The following DIP2C variants were observed in gnomAD, a reference collection of about 807,000 sequenced individuals.
DIP2C encodes DIP2 acetate--CoA ligase C (putative).
A neutral mutation model predicts 192.4 loss-of-function variants in DIP2C; 33 were observed. The ratio of observed to expected loss-of-function variants is 0.17; its 90% CI spans 0.13 to 0.23. DIP2C has a LOEUF of 0.23. DIP2C is among the 10% of genes least tolerant of loss of function. The probability of loss-of-function intolerance (pLI) is 1.00; values close to 1 mark genes in which losing one functional copy is unlikely to be tolerated. For missense variants in DIP2C, 1,537 were observed against 2,110.1 expected (o/e 0.73, Z 5.32); for synonymous variants, 979 against 864.1 (o/e 1.13, Z -2.33).
chr10:601,479 C>G (rs1222115331), intron 1 of DIP2C, among the ~76,000 whole-genome samples: 1 of 152,182 alleles, frequency 6.6e-6, no homozygotes, highest in African/African-American at 2.4e-5. Context: ...GGTGGGTTGG[C>G]TCACTCAATT....
At chr10:513,980 T>C (rs952200554) in intron 1 of DIP2C, among the ~76,000 whole-genome samples, 11 of 152,216 alleles carry the variant, frequency 7.2e-5, no homozygotes, top group Non-Finnish European at 1.6e-4. Flanking sequence ...GTGTACAGTC[T>C]TGGCAATGTA....
intron 2 of DIP2C, among the ~76,000 whole-genome samples, chr10:480,023 G>T (rs1843477065): frequency 6.7e-6 from 1 of 148,548 alleles, no homozygotes; most frequent in South Asian, 2.2e-4. Context: ...CACTGGATGA[G>T]GGTTCTCATC....
At chr10:387,511 TG>T (rs1276192305) in intron 14 of DIP2C, among the ~76,000 whole-genome samples, 3 of 114,400 alleles carry the variant, frequency 2.6e-5, no homozygotes, top group African/African-American at 1.0e-4. Flanking sequence ...GGGCGACTCC[TG>T]TGTGGACAGA....
intron 32 of DIP2C, among the ~76,000 whole-genome samples, chr10:293,479 A>T (rs533022711): frequency 3.3e-5 from 5 of 152,344 alleles, no homozygotes; most frequent in African/African-American, 1.2e-4. Flanking sequence ...GAAGCATTTA[A>T]AATACCCAAT....
intron 13 of DIP2C, among the ~76,000 whole-genome samples, chr10:388,646 C>G (rs150012633): frequency 1.3e-5 from 2 of 152,222 alleles, no homozygotes; most frequent in Non-Finnish European, 2.9e-5. Context: ...AGTGCGTCCC[C>G]AGGTGTGAAA....
At chr10:460,956 TG>T (rs1468320863) in intron 3 of DIP2C, among the ~76,000 whole-genome samples, 1 of 152,160 alleles carries the variant, frequency 6.6e-6, no homozygotes, top group East Asian at 1.9e-4. Flanking sequence ...AACTAAGCTT[TG>T]TAAGTGAAGG....
In DIP2C at chr10:363,435, G is replaced by T; in HGVS notation, c.2478-124C>A. ...CAGCTCCAACTACGACTTCAAAACGGCCGCTGTACTTCCGAATTTCCCCAC... is the reference window on the plus strand; with the variant it reads ...CAGCTCCAACTACGACTTCAAAACGTCCGCTGTACTTCCGAATTTCCCCAC... On this transcript the variant is annotated intron_variant, in intron 20 of 36. Coordinates refer to ENST00000280886, the MANE Select transcript of DIP2C (RefSeq NM_014974.3). This position sits in a 1 kb window ranked among gnomAD's most constrained non-coding sequence, Gnocchi z 5.4. 6.5e-6 allele frequency: 5 copies of T among 773,162 alleles called. No homozygotes were observed. The highest frequency in any genetic ancestry group is 1.1e-5 in the Non-Finnish European group (5 of 474,708). The allele number at this position is 773,162 out of a possible 1,614,324, so 47.9% of individuals were successfully genotyped here.
chr10:308,609 C>A (rs1956432965), intron 32 of DIP2C, among the ~76,000 whole-genome samples: 1 of 152,236 alleles, frequency 6.6e-6, no homozygotes, highest in Non-Finnish European at 1.5e-5. Context: ...TAATCTAAAA[C>A]TACATTTCTG....
At chr10:662,917 A>T (rs1247019792) in intron 1 of DIP2C, 2 of 717,360 alleles carry the variant, frequency 2.8e-6, no homozygotes, top group Non-Finnish European at 5.2e-6. Flanking sequence ...CTCTCGGGAG[A>T]GGTGGATGTA....
intron 3 of DIP2C, among the ~76,000 whole-genome samples, chr10:464,822 C>T (rs1970079034): frequency 6.6e-6 from 1 of 151,994 alleles, no homozygotes; most frequent in Admixed American, 6.6e-5. Context: ...ATACTCTCTC[C>T]CAAGACTAAA....
chr10:503,423 G>GA (rs1845388759), intron 1 of DIP2C, among the ~76,000 whole-genome samples: 1 of 152,196 alleles, frequency 6.6e-6, no homozygotes, highest in Non-Finnish European at 1.5e-5. Flanking sequence ...GACCACAAAA[G>GA]AGAGTGGCAG....
chr10:342,462 G>A (rs1589542607), intron 28 of DIP2C, among the ~76,000 whole-genome samples: 1 of 152,210 alleles, frequency 6.6e-6, no homozygotes, highest in Non-Finnish European at 1.5e-5. Context: ...CTGGCCTCGT[G>A]TGACCCTCTC....
At chr10:589,160 C>T (rs1021727229) in intron 1 of DIP2C, among the ~76,000 whole-genome samples, 2 of 152,196 alleles carry the variant, frequency 1.3e-5, no homozygotes, top group African/African-American at 4.8e-5. Flanking sequence ...CAGGTCTCTG[C>T]CCGCTTTTAA....
At position 406,297 on chromosome 10, in the gene DIP2C, A is replaced by G. The variant is rs117719161; in HGVS notation, c.1149+2629T>C. The stretch of plus-strand genomic sequence containing the variant: ...GTAGAATTCAGTAGCATGAAGCACA[A>G]TCACAAGGTTATACAACTGCCACCA... On this transcript the variant is annotated intron_variant, in intron 9 of 36. Coordinates refer to ENST00000280886, the MANE Select transcript of DIP2C (RefSeq NM_014974.3). Among the ~76,000 whole-genome samples, 12 of 152,366 alleles carry G rather than the reference A, an allele frequency of 7.9e-5. No homozygotes were observed. The East Asian group carries it at 1.9e-3, about 24-fold the overall frequency.
rs570092830 is a variant in DIP2C at position 527,302 on chromosome 10, G to GCTT, written c.86-40775_86-40773dup. 4.1e-4 allele frequency among the ~76,000 whole-genome samples: 63 copies of GCTT among 152,266 alleles called. No homozygotes were observed. The South Asian group carries it at 8.9e-3, about 22-fold the overall frequency. ...GCCTCCCGACCCTCCCCGCTTCTGG[G>GCTT]CTTCTTGGCATGTTGTTCTGCTCCA... is the stretch of plus-strand genomic sequence containing the variant. On this transcript the variant is annotated intron_variant, in intron 1 of 36. Coordinates refer to ENST00000280886, the MANE Select transcript of DIP2C (RefSeq NM_014974.3).
chr10:400,688 TTCA>T (rs942647661), intron 9 of DIP2C, among the ~76,000 whole-genome samples: 2 of 151,936 alleles, frequency 1.3e-5, no homozygotes, highest in African/African-American at 2.4e-5. Flanking sequence ...TTGGTATGTG[TTCA>T]TCAGCACATG....
intron 1 of DIP2C, among the ~76,000 whole-genome samples, chr10:512,927 A>G (rs1846110893): frequency 6.6e-6 from 1 of 150,836 alleles, no homozygotes; most frequent in African/African-American, 2.4e-5. Context: ...TTCAGGAAAA[A>G]AAAAAAAAAA....
chr10:514,555 C>G (rs1435223391), intron 1 of DIP2C, among the ~76,000 whole-genome samples: 2 of 152,198 alleles, frequency 1.3e-5, no homozygotes, highest in Non-Finnish European at 2.9e-5. Flanking sequence ...GTCCGTGTCC[C>G]CCTGCAGACC....
chr10:519,869 G>A (rs1846588334), intron 1 of DIP2C, among the ~76,000 whole-genome samples: 1 of 151,752 alleles, frequency 6.6e-6, no homozygotes, highest in Non-Finnish European at 1.5e-5. Flanking sequence ...GAGGGGGAGG[G>A]GCCAGTATGG....
Sources: gnomAD v4.1 joint callset for allele counts (sites outside exome capture counted in the v4.1 genomes callset) on GRCh38, gnomAD v4.1.1 for gene constraint, Gnocchi (gnomAD v3.1) non-coding constraint, MANE v1.5 for transcripts, NCBI Gene and HGNC (gene_info 2026-07-23, HGNC 2026-07-21) for gene names.